The following LIN28B variants were observed in gnomAD, a reference collection of about 807,000 sequenced individuals.
The protein encoded by LIN28B is lin-28 RNA binding posttranscriptional regulator B.
A neutral mutation model predicts 21.9 loss-of-function variants in LIN28B; 5 were observed. That is an observed-to-expected ratio of 0.23 (90% CI 0.12 to 0.48). LIN28B has a LOEUF of 0.48. LIN28B is among the 20% of genes least tolerant of loss of function. The pLI is 0.98. For missense variants in LIN28B, 245 were observed against 310.5 expected (o/e 0.79, Z 1.58); for synonymous variants, 109 against 111.3 (o/e 0.98, Z 0.13).
chr6:104,953,664 G>A (rs1778248763), upstream of LIN28B, among the ~76,000 whole-genome samples: 1 of 152,216 alleles, frequency 6.6e-6, no homozygotes, highest in African/African-American at 2.4e-5. Flanking sequence ...AAGCTGCAGA[G>A]GCAGGAGGTG....
chr6:105,011,149 C>T (rs988641937), intron 2 of LIN28B, among the ~76,000 whole-genome samples: 1 of 152,040 alleles, frequency 6.6e-6, no homozygotes, highest in African/African-American at 2.4e-5. Flanking sequence ...ATGCTTACTG[C>T]CCATTACAAA....
intron 3 of LIN28B, among the ~76,000 whole-genome samples, chr6:105,068,610 C>G (rs1772265920): frequency 6.6e-6 from 1 of 152,138 alleles, no homozygotes; most frequent in Admixed American, 6.5e-5. Context: ...CAGAGCCTTC[C>G]AAACACACGA....
chr6:104,956,406 A>G (rs190632059), upstream of LIN28B, among the ~76,000 whole-genome samples: 175 of 151,826 alleles, frequency 1.2e-3, no homozygotes, highest in Admixed American at 2.5e-3. Context: ...TTCCTTACCA[A>G]CCCCCTCTAA....
intron 3 of LIN28B, among the ~76,000 whole-genome samples, chr6:105,052,724 C>T (rs1359585456): frequency 6.6e-6 from 1 of 152,160 alleles, no homozygotes; most frequent in East Asian, 1.9e-4. Context: ...CTACAAGATA[C>T]ATACCAATAT....
At chr6:105,009,200 A>G (rs1014872318) in intron 2 of LIN28B, among the ~76,000 whole-genome samples, 2 of 152,236 alleles carry the variant, frequency 1.3e-5, no homozygotes, top group African/African-American at 4.8e-5. Context: ...CAAAAAAAAT[A>G]TATGAACCTG....
chr6:105,010,929 T>TAA (rs1165546906), intron 2 of LIN28B, among the ~76,000 whole-genome samples: 4 of 152,230 alleles, frequency 2.6e-5, no homozygotes, highest in African/African-American at 9.6e-5. Context: ...TAATTTTGTC[T>TAA]GTTCTAGAAC....
intron 3 of LIN28B, among the ~76,000 whole-genome samples, chr6:105,058,495 G>C (rs900185934): frequency 6.6e-6 from 1 of 152,158 alleles, no homozygotes; most frequent in Non-Finnish European, 1.5e-5. Flanking sequence ...GAAAGCTTCA[G>C]ATTGTTGCTA....
intron 2 of LIN28B, among the ~76,000 whole-genome samples, chr6:104,996,525 T>G (rs944562558): frequency 6.6e-6 from 1 of 152,218 alleles, no homozygotes; most frequent in South Asian, 2.1e-4. Flanking sequence ...GAGAAGAATT[T>G]AGCAAAGGCT....
chr6:105,043,440 C>G (rs1188679911), intron 3 of LIN28B, among the ~76,000 whole-genome samples: 1 of 150,498 alleles, frequency 6.6e-6, no homozygotes, highest in Admixed American at 6.6e-5. Flanking sequence ...CAGTATGAAG[C>G]CTACCCTGGG....
chr6:104,991,685 G>C (rs1050955999), intron 2 of LIN28B, among the ~76,000 whole-genome samples: 7 of 152,010 alleles, frequency 4.6e-5, no homozygotes, highest in South Asian at 2.1e-4. Flanking sequence ...AGGTTGTAGC[G>C]AGCCGAGATC....
At chr6:104,962,850 A>T (rs965055589) in intron 2 of LIN28B, among the ~76,000 whole-genome samples, 4 of 152,172 alleles carry the variant, frequency 2.6e-5, no homozygotes, top group Admixed American at 1.3e-4. Flanking sequence ...CAATTAAAAA[A>T]AATTAGACAT....
At chr6:104,996,420 A>T (rs1356260978) in intron 2 of LIN28B, among the ~76,000 whole-genome samples, 4 of 152,186 alleles carry the variant, frequency 2.6e-5, no homozygotes, top group Admixed American at 2.6e-4. Context: ...TTTATGTTCA[A>T]CAGAACACTC....
At chr6:104,975,827 T>C (rs1770079165) in intron 2 of LIN28B, among the ~76,000 whole-genome samples, 1 of 149,270 alleles carries the variant, frequency 6.7e-6, no homozygotes, top group South Asian at 2.1e-4. Flanking sequence ...GCTAATTCTT[T>C]TCTTCTTCTT....
chr6:104,957,055 A>G, upstream of LIN28B: 1 of 1,435,472 alleles, frequency 7.0e-7, no homozygotes, highest in Non-Finnish European at 9.1e-7. Flanking sequence ...TGTAATTGAC[A>G]AAGTCACGTG....
chr6:105,058,844 C>T (rs960020014), intron 3 of LIN28B, among the ~76,000 whole-genome samples: 2 of 151,998 alleles, frequency 1.3e-5, no homozygotes, highest in African/African-American at 2.4e-5. Flanking sequence ...GTATTTGTGC[C>T]ATTTTTCTTT....
rs1471559188 is a variant in LIN28B, at chr6:105,079,557, TA to T, written c.*775del. 1 of 152,644 alleles carries T rather than the reference TA, an allele frequency of 6.6e-6. No individual in the cohort carries two copies. The highest frequency in any genetic ancestry group is 1.5e-5 in the Non-Finnish European group (1 of 68,046). 9.5% of individuals were successfully genotyped at this position (152,644 alleles called of 1,614,324 possible). A position where few individuals can be genotyped will look rare whatever the true frequency, so the allele number is the denominator to read the frequency against. Reference sequence around the variant, plus strand: ...TAAATTCTGTGTTTAATTGTAAAATTAGATGCCTATTAAGAGAAATGAAGGG... The same window carrying T: ...TAAATTCTGTGTTTAATTGTAAAATTGATGCCTATTAAGAGAAATGAAGGG... On this transcript the variant is annotated 3_prime_UTR_variant, in exon 4 of 4. Transcript: ENST00000345080.
At chr6:104,956,630 C>T (rs958596561), upstream of LIN28B, among the ~76,000 whole-genome samples, 1 of 151,936 alleles carries the variant, frequency 6.6e-6, no homozygotes, top group Non-Finnish European at 1.5e-5. Context: ...ATATATTTTC[C>T]TCTAAGAATT....
At chr6:105,012,061 G>A (rs1770934274) in intron 2 of LIN28B, among the ~76,000 whole-genome samples, 1 of 152,122 alleles carries the variant, frequency 6.6e-6, no homozygotes, top group South Asian at 2.1e-4. Context: ...GGGAGGCTGA[G>A]GCAGGAGAAT....
chr6:104,976,131 T>A (rs949729085), intron 2 of LIN28B, among the ~76,000 whole-genome samples: 1 of 152,208 alleles, frequency 6.6e-6, no homozygotes, highest in Non-Finnish European at 1.5e-5. Context: ...TATTAATTAC[T>A]TACTTTGTGC....
Sources: allele counts gnomAD v4.1 joint callset (sites outside exome capture counted in the v4.1 genomes callset), GRCh38; gene constraint gnomAD v4.1.1; transcripts MANE v1.5; gene names NCBI Gene and HGNC (gene_info 2026-07-23, HGNC 2026-07-21).